TMEM108: variants seen among roughly 807,000 people sequenced by gnomAD.
TMEM108 encodes the protein transmembrane protein 108.
A neutral mutation model predicts 35.1 loss-of-function variants in TMEM108; 12 were observed. The ratio of observed to expected loss-of-function variants is 0.34; its 90% CI spans 0.22 to 0.55. TMEM108 has a LOEUF of 0.55. Ranked by LOEUF, TMEM108 falls within the 20% of genes least tolerant of loss-of-function variation. TMEM108 has a pLI of 0.89. For missense variants in TMEM108, 680 were observed against 753.3 expected (o/e 0.90, Z 1.14); for synonymous variants, 287 against 308.6 (o/e 0.93, Z 0.73).
At chr3:133,265,319 A>G (rs1234545230) in intron 3 of TMEM108, among the ~76,000 whole-genome samples, 1 of 152,182 alleles carries the variant, frequency 6.6e-6, no homozygotes, top group Non-Finnish European at 1.5e-5. Flanking sequence ...AAGCTTTGAA[A>G]TAGTTCATTT....
At chr3:133,386,446 T>C in intron 4 of TMEM108, 3 of 1,536,158 alleles carry the variant, frequency 2.0e-6, no homozygotes, top group Non-Finnish European at 2.6e-6. Flanking sequence ...CCTGAAAGCA[T>C]GCCCTTCCAC....
intron 5 of TMEM108, 119 bp from the exon 6 acceptor site, chr3:133,395,745 G>A: frequency 4.5e-6 from 5 of 1,119,884 alleles, no homozygotes; most frequent in Non-Finnish European, 5.9e-6. Flanking sequence ...TAGGGATGAT[G>A]AAAATGTGCA....
intron 2 of TMEM108, among the ~76,000 whole-genome samples, chr3:133,205,609 GA>G (rs982862922): frequency 3.2e-4 from 49 of 151,768 alleles, no homozygotes; most frequent in African/African-American, 1.1e-3. Flanking sequence ...AATTCTTTAA[GA>G]ATGTTGAATA....
At chr3:133,391,716 AC>A (rs2073237686) in intron 5 of TMEM108, among the ~76,000 whole-genome samples, 1 of 151,532 alleles carries the variant, frequency 6.6e-6, no homozygotes, top group Admixed American at 6.6e-5. Context: ...TCTCCCCAGC[AC>A]CCCCTTCACT....
At chr3:133,058,176 G>A (rs1013512033) in intron 2 of TMEM108, among the ~76,000 whole-genome samples, 2 of 152,126 alleles carry the variant, frequency 1.3e-5, no homozygotes, top group Non-Finnish European at 2.9e-5. Flanking sequence ...TTAAATATGT[G>A]GCTGCCTTTT....
intron 2 of TMEM108, among the ~76,000 whole-genome samples, chr3:133,102,701 A>T (rs114263257): frequency 0.012 from 1,758 of 152,312 alleles, 43 homozygotes; most frequent in African/African-American, 0.041. Context: ...CGTATCACAT[A>T]TCCTCATTCT....
At chr3:133,287,305 G>A (rs1275603574) in intron 3 of TMEM108, among the ~76,000 whole-genome samples, 2 of 152,150 alleles carry the variant, frequency 1.3e-5, no homozygotes, top group Admixed American at 6.5e-5. Context: ...ATATCTATGG[G>A]TATGAGTGAC....
chr3:133,229,929 C>G (rs959973477), intron 3 of TMEM108, among the ~76,000 whole-genome samples: 2 of 152,166 alleles, frequency 1.3e-5, no homozygotes, highest in East Asian at 1.9e-4. Flanking sequence ...GCACATCACT[C>G]ATGTGTTTTG....
intron 2 of TMEM108, among the ~76,000 whole-genome samples, chr3:133,181,046 C>A (rs1945336602): frequency 1.1e-5 from 1 of 89,126 alleles, no homozygotes. Context: ...AAACAGCACT[C>A]CCAAAGCGCT....
At chr3:133,090,493 CT>C (rs1433120202) in intron 2 of TMEM108, among the ~76,000 whole-genome samples, 2 of 152,224 alleles carry the variant, frequency 1.3e-5, no homozygotes, top group East Asian at 3.8e-4. Context: ...TAGGCAGACA[CT>C]TTTGGGACAA....
intron 3 of TMEM108, among the ~76,000 whole-genome samples, chr3:133,377,210 A>C (rs916554435): frequency 6.6e-6 from 1 of 152,210 alleles, no homozygotes; most frequent in African/African-American, 2.4e-5. Context: ...TTAGGGATTC[A>C]ACATAGGGAT....
intron 2 of TMEM108, among the ~76,000 whole-genome samples, chr3:133,224,417 A>G (rs1219923259): frequency 2.6e-5 from 4 of 152,142 alleles, no homozygotes; most frequent in African/African-American, 9.7e-5. Flanking sequence ...AGGAACACAG[A>G]TGTAGCATAT....
At chr3:133,170,385 C>G (rs752546188) in intron 2 of TMEM108, among the ~76,000 whole-genome samples, 1 of 152,166 alleles carries the variant, frequency 6.6e-6, no homozygotes, top group Non-Finnish European at 1.5e-5. Flanking sequence ...AAGATGCTAC[C>G]TATTCAAAGC....
At position 133,089,042 on chromosome 3, in the gene TMEM108, G is replaced by A. The variant is rs1943915724; in HGVS notation, c.-47+43022G>A. On this transcript the variant is annotated intron_variant, in intron 2 of 5. Transcript: ENST00000321871. ...AAGGGGGAGTGAGCTGTCTCACATG[G>A]CCAGAGCAGAAGTAAGTGGGGGCGG... Among the ~76,000 whole-genome samples the A allele has an allele frequency of 4.6e-5, 7 of 152,260 alleles. No individual in the cohort carries two copies. In the South Asian group the frequency reaches 1.5e-3, roughly 32 times the overall value.
chr3:133,102,077 C>T (rs1576319252), intron 2 of TMEM108, among the ~76,000 whole-genome samples: 1 of 152,128 alleles, frequency 6.6e-6, no homozygotes, highest in Non-Finnish European at 1.5e-5. Context: ...GATTAAGTTA[C>T]GTGATTGTAA....
intron 3 of TMEM108, among the ~76,000 whole-genome samples, chr3:133,282,632 G>A (rs1475338348): frequency 1.3e-5 from 2 of 152,140 alleles, no homozygotes; most frequent in African/African-American, 2.4e-5. Flanking sequence ...TTGAAAACAC[G>A]CCATTGTTTT....
Position 133,083,170 on chromosome 3 carries a change from G to GC in TMEM108, c.-47+37159dup, listed in dbSNP as rs201976584. On this transcript the variant is annotated intron_variant, in intron 2 of 5. Coordinates refer to ENST00000321871, the MANE Select transcript of TMEM108 (RefSeq NM_023943.4). ...CCTCTCAAGAGACATTACTTGGAAA[G>GC]CCCCCCCCCACCCCCCGCCGCCCCA... Among the ~76,000 whole-genome samples the GC allele has an allele frequency of 3.9e-3, 531 of 136,376 alleles. 3 individuals carry two copies. Among genetic ancestry groups the GC allele is most frequent in the African/African-American group, 0.012 (445 of 36,512 alleles). The allele number at this position is 136,376 out of a possible 152,430, so 89.5% of individuals were successfully genotyped here. A position where few individuals can be genotyped will look rare whatever the true frequency, so the allele number is the denominator to read the frequency against.
intron 2 of TMEM108, among the ~76,000 whole-genome samples, chr3:133,165,556 C>T (rs1945024958): frequency 6.6e-6 from 1 of 152,072 alleles, no homozygotes; most frequent in Admixed American, 6.6e-5. Context: ...GAAGTATTTG[C>T]AGGTTTATGT....
At chr3:133,097,780 T>A (rs891071852) in intron 2 of TMEM108, among the ~76,000 whole-genome samples, 1 of 152,198 alleles carries the variant, frequency 6.6e-6, no homozygotes, top group Non-Finnish European at 1.5e-5. Flanking sequence ...AGTAAAGAAC[T>A]ATGTGGCCCA....
Sources: gnomAD v4.1 joint callset for allele counts (sites outside exome capture counted in the v4.1 genomes callset) on GRCh38, gnomAD v4.1.1 for gene constraint, MANE v1.5 for transcripts, NCBI Gene and HGNC (gene_info 2026-07-23, HGNC 2026-07-21) for gene names.